Variants in PSMD7 observed in about 807,000 individuals in gnomAD.
PSMD7 encodes 26S proteasome non-ATPase regulatory subunit 7.
Under a neutral mutation model 36.4 loss-of-function variants are expected in PSMD7, and 13 were observed. The ratio of observed to expected loss-of-function variants is 0.36; its 90% CI spans 0.23 to 0.57. PSMD7 has a LOEUF of 0.57. PSMD7 is among the 20% of genes least tolerant of loss of function. PSMD7 has a pLI of 0.83. For synonymous variants in PSMD7, 186 were observed against 151.0 expected (o/e 1.23, Z -1.70); for missense variants, 298 against 393.6 (o/e 0.76, Z 2.06).
At chr16:74,301,458 G>C (rs1342188264) in intron 3 of PSMD7, 97 bp from the exon 4 acceptor site, 1 of 904,766 alleles carries the variant, frequency 1.1e-6, no homozygotes, top group Non-Finnish European at 1.7e-6. Flanking sequence ...TTTTCAAAGA[G>C]GTAAAGGACA....
chr16:74,301,710 T>A, intron 4 of PSMD7, 58 bp downstream of exon 4: 1 of 1,394,934 alleles, frequency 7.2e-7, no homozygotes, highest in Non-Finnish European at 1.0e-6. Context: ...CCAGCTCAAG[T>A]AAGAGCATCC....
At chr16:74,301,183 G>T in intron 3 of PSMD7, 39 bp downstream of exon 3, 3 of 1,415,374 alleles carry the variant, frequency 2.1e-6, no homozygotes, top group South Asian at 2.3e-5. Flanking sequence ...GCATAGAATT[G>T]AACTGTGTGT....
intron 6 of PSMD7, chr16:74,304,711 A>C: frequency 4.9e-6 from 1 of 204,468 alleles, no homozygotes; most frequent in Non-Finnish European, 9.8e-6. Flanking sequence ...TGCACTCTCC[A>C]CTAGGTGTCC....
chr16:74,302,722 G>A (rs1014559312), intron 5 of PSMD7, among the ~76,000 whole-genome samples: 19 of 152,184 alleles, frequency 1.2e-4, no homozygotes, highest in African/African-American at 4.1e-4. Context: ...CAACCTGTGC[G>A]ACAGTTGAGA....
rs1026164444 is a variant in PSMD7, at chr16:74,303,957, C to G, written c.439-346C>G. 8 of 161,572 alleles carry G rather than the reference C, an allele frequency of 5.0e-5. 1 individual carries two copies. Among genetic ancestry groups the G allele is most frequent in the Admixed American group, 4.4e-4 (7 of 15,764 alleles). The allele number at this position is 161,572 out of a possible 1,614,324, so 10.0% of individuals were successfully genotyped here. ...GGCTGGTCTCGAATTCTTGGCGTAC[C>G]AAAGTGCTGAGATTACAGGTCCGTG... is the stretch of plus-strand genomic sequence containing the variant. On this transcript the variant is annotated intron_variant, in intron 5 of 6. Transcript: ENST00000219313.
intron 2 of PSMD7, 127 bp from the exon 3 acceptor site, chr16:74,300,925 T>G (rs2034150485): frequency 2.0e-6 from 1 of 494,614 alleles, no homozygotes; most frequent in Non-Finnish European, 3.6e-6. Context: ...CAAAAAAAAT[T>G]TTTTAATACT....
intron 1 of PSMD7, 138 bp downstream of exon 1, chr16:74,297,126 G>C: frequency 2.2e-6 from 2 of 894,814 alleles, no homozygotes; most frequent in Non-Finnish European, 3.5e-6. Flanking sequence ...CACGAGTCCA[G>C]ACCAGCGTCG....
At position 74,296,857 on chromosome 16, in the gene PSMD7, C is replaced by A. The variant is rs1298470587; in HGVS notation, c.-58C>A. On this transcript the variant is annotated 5_prime_UTR_variant, in exon 1 of 7. It adds an upstream start codon to the 5' untranslated region. Transcript: ENST00000219313. ...CCTGAAAGGGTACCGGTGACCGCTA[C>A]TGCTGCCGGTGTTTGCGTGTGGCAG... 1 of 1,583,462 alleles carries A rather than the reference C, an allele frequency of 6.3e-7. No homozygotes were observed. Among genetic ancestry groups the A allele is most frequent in the African/African-American group, 1.3e-5 (1 of 74,460 alleles).
At chr16:74,303,623 C>T (rs80331868) in intron 5 of PSMD7, among the ~76,000 whole-genome samples, 2,933 of 152,184 alleles carry the variant, frequency 0.019, 47 homozygotes, top group African/African-American at 0.045. Context: ...ACTGTGGAAT[C>T]GTTTGATCCA....
intron 5 of PSMD7, 161 bp from the exon 6 acceptor site, chr16:74,304,142 A>C (rs1446633999): frequency 3.0e-5 from 18 of 609,852 alleles, no homozygotes. Context: ...TTTGAAGGCT[A>C]AGCTTTCAAA....
Position 74,305,936 on chromosome 16 carries a change from C to A in PSMD7, c.*203C>A. ...CAAATCTGAACTGCAGCTTTCGCTG[C>A]TGTGAGTTGGGGATATGATAGTCAG... On this transcript the variant is annotated 3_prime_UTR_variant, in exon 7 of 7. Coordinates refer to ENST00000219313, the MANE Select transcript of PSMD7 (RefSeq NM_002811.5). 2 of 452,424 alleles carry A rather than the reference C, an allele frequency of 4.4e-6. No individual in the cohort carries two copies. Among genetic ancestry groups the A allele is most frequent in the Non-Finnish European group, 7.2e-6 (2 of 278,122 alleles). The allele number at this position is 452,424 out of a possible 1,614,324, so 28.0% of individuals were successfully genotyped here.
intron 1 of PSMD7, among the ~76,000 whole-genome samples, chr16:74,299,011 AC>A (rs1010840621): frequency 4.3e-5 from 5 of 116,992 alleles, no homozygotes; most frequent in Admixed American, 1.8e-4. Flanking sequence ...TTTCCCCCTT[AC>A]CCCCCCACCC....
In PSMD7 at chr16:74,305,385, G is replaced by A; in HGVS notation, c.627G>A (p.Arg209=). The A allele has an allele frequency of 6.2e-7, 1 of 1,614,150 alleles. No individual in the cohort carries two copies. The highest frequency in any genetic ancestry group is 8.5e-7 in the Non-Finnish European group (1 of 1,180,034). ...TGAACTCCAAGCTTCTGGATATCAG[G>A]AGCTACCTGGAAAAAGTCGCCACAG... is the stretch of plus-strand genomic sequence containing the variant. ...KGLNSKLLDI[R]SYLEKVATGK... The change falls in exon 7 of 7, where the codon AGG becomes AGA. Residue 209 remains arginine (R), a synonymous_variant. Transcript: ENST00000219313.
At chr16:74,304,415 C>A (rs1293636599) in intron 6 of PSMD7, 21 bp downstream of exon 6, 1 of 1,593,938 alleles carries the variant, frequency 6.3e-7, no homozygotes, top group African/African-American at 1.3e-5. Context: ...AGTACAGCAT[C>A]AAAATCATTC....
In PSMD7 at chr16:74,305,577, C is replaced by G; in HGVS notation, c.819C>G (p.His273Gln). 1.2e-6 allele frequency: 2 copies of G among 1,606,306 alleles called. No homozygotes were observed. The highest frequency in any genetic ancestry group is 1.7e-6 in the Non-Finnish European group (2 of 1,173,426). The change falls in exon 7 of 7, where the codon CAC becomes CAG. Residue 273 changes from histidine to glutamine, a missense_variant. Transcript: ENST00000219313. ...TGATCCGTTCCGTGGTCGCCCTGCA[C>G]AACCTCATCAACAACAAGATTGCCA... The part of the protein sequence containing the change: ...ASLIRSVVAL[H>Q]NLINNKIANR...
Position 74,296,872 on chromosome 16 carries a change from G to A in PSMD7, c.-43G>A. 1 of 1,606,630 alleles carries A rather than the reference G, an allele frequency of 6.2e-7. No individual in the cohort carries two copies. The highest frequency in any genetic ancestry group is 8.5e-7 in the Non-Finnish European group (1 of 1,175,814). On this transcript the variant is annotated 5_prime_UTR_variant, in exon 1 of 7. Coordinates refer to ENST00000219313, the MANE Select transcript of PSMD7 (RefSeq NM_002811.5). ...GTGACCGCTACTGCTGCCGGTGTTT[G>A]CGTGTGGCAGGGAGCCAGGCCTGGC... is the stretch of plus-strand genomic sequence containing the variant.
At position 74,305,021 on chromosome 16, in the gene PSMD7, C is replaced by T. The variant is rs546395290; in HGVS notation, c.531-268C>T. The T allele has an allele frequency of 1.3e-4, 51 of 395,820 alleles. 1 individual carries two copies. In the South Asian group the frequency reaches 2.1e-3, roughly 16 times the overall value. 24.5% of individuals were successfully genotyped at this position (395,820 alleles called of 1,614,324 possible). ...TGTTGACCTAAGCAATTTTTTTTTC[C>T]TTAAGTGGAAATGGTTTTATTTTAG... On this transcript the variant is annotated intron_variant, in intron 6 of 6. Transcript: ENST00000219313.
chr16:74,305,791 T>G lies in PSMD7; in HGVS notation c.*58T>G. On this transcript the variant is annotated 3_prime_UTR_variant, in exon 7 of 7. Coordinates refer to ENST00000219313, the MANE Select transcript of PSMD7 (RefSeq NM_002811.5). ...ATTAAAATCTTACAAACTAAATCAGTGTGCTGCTAGAGGGTTCTTTTTCAC... is the reference window on the plus strand; with the variant it reads ...ATTAAAATCTTACAAACTAAATCAGGGTGCTGCTAGAGGGTTCTTTTTCAC... 1 of 1,400,810 alleles carries G rather than the reference T, an allele frequency of 7.1e-7. No homozygotes were observed. Among genetic ancestry groups the G allele is most frequent in the East Asian group, 2.6e-5 (1 of 38,998 alleles). The allele number at this position is 1,400,810 out of a possible 1,614,324, so 86.8% of individuals were successfully genotyped here.
intron 1 of PSMD7, chr16:74,299,505 A>T (rs924567746): frequency 6.7e-6 from 3 of 449,156 alleles, no homozygotes; most frequent in African/African-American, 6.0e-5. Context: ...TCAGTCCCCC[A>T]GCCCCAAGTA....
Sources: gnomAD v4.1 joint callset for allele counts (sites outside exome capture counted in the v4.1 genomes callset) on GRCh38, gnomAD v4.1.1 for gene constraint, MANE v1.5 for transcripts, NCBI Gene and HGNC (gene_info 2026-07-23, HGNC 2026-07-21) for gene names.